The following M1AP variants were observed in gnomAD, a reference collection of about 807,000 sequenced individuals.
M1AP encodes meiosis 1 arrest protein.
A neutral mutation model predicts 51.2 loss-of-function variants in M1AP; 39 were observed. The observed-to-expected ratio is 0.76, with a 90% CI of 0.59 to 1.00. The LOEUF is 1.00. M1AP is among the 50% of genes least tolerant of loss of function. The probability of loss-of-function intolerance (pLI) is 0.00; values close to 1 mark genes in which losing one functional copy is unlikely to be tolerated. For synonymous variants in M1AP, 251 were observed against 249.2 expected (o/e 1.01, Z -0.07); for missense variants, 545 against 641.2 (o/e 0.85, Z 1.62).
intron 7 of M1AP, among the ~76,000 whole-genome samples, chr2:74,567,684 A>C (rs1458931511): frequency 6.6e-6 from 1 of 152,268 alleles, no homozygotes; most frequent in Non-Finnish European, 1.5e-5. Flanking sequence ...ATGTTTATTT[A>C]ACTTTGTTAA....
At position 74,614,950 on chromosome 2, in the gene M1AP, C is replaced by A; in HGVS notation, c.426+14G>T. The A allele has an allele frequency of 6.2e-7, 1 of 1,612,532 alleles. No homozygotes were observed. The highest frequency in any genetic ancestry group is 1.1e-5 in the South Asian group (1 of 91,020). On this transcript the variant is annotated intron_variant, in intron 3 of 10. Coordinates refer to ENST00000421985, the MANE Select transcript of M1AP (RefSeq NM_001321739.2). ...GGAACACAGCTTGGAGTCCTAAAGG[C>A]CAGCATCACTTACCTCCAGGGAGGT...
intron 2 of M1AP, among the ~76,000 whole-genome samples, chr2:74,635,267 G>T (rs1011257346): frequency 1.3e-5 from 2 of 152,030 alleles, no homozygotes; most frequent in African/African-American, 4.8e-5. Flanking sequence ...ATTTACGTAT[G>T]TAAAGGTATC....
chr2:74,637,554 G>A (rs1683055523), intron 2 of M1AP, among the ~76,000 whole-genome samples: 1 of 152,106 alleles, frequency 6.6e-6, no homozygotes, highest in Non-Finnish European at 1.5e-5. Context: ...AAATATTCTT[G>A]AGCTTTGTTC....
Position 74,558,705 on chromosome 2 carries a change from G to A in M1AP, c.*11C>T. On this transcript the variant is annotated 3_prime_UTR_variant, in exon 11 of 11. Coordinates refer to ENST00000421985, the MANE Select transcript of M1AP (RefSeq NM_001321739.2). ...GGTTAAGCTGGGCAGCTGGGCTCTG[G>A]TGCTGGTGACTTAGGGCCTTGAGGG... The A allele has an allele frequency of 1.2e-6, 2 of 1,611,658 alleles. No homozygotes were observed. Among genetic ancestry groups the A allele is most frequent in the African/African-American group, 1.3e-5 (1 of 74,962 alleles).
At chr2:74,611,041 CTTGA>C (rs1347325983) in intron 3 of M1AP, among the ~76,000 whole-genome samples, 2 of 152,142 alleles carry the variant, frequency 1.3e-5, no homozygotes, top group African/African-American at 4.8e-5. Flanking sequence ...GGTAATCCCT[CTTGA>C]TTATCTTTTT....
chr2:74,641,949 G>A (rs1165368868), intron 1 of M1AP, among the ~76,000 whole-genome samples: 1 of 151,576 alleles, frequency 6.6e-6, no homozygotes, highest in Admixed American at 6.6e-5. Flanking sequence ...GGGTTCAAGC[G>A]ATTCTCCTGC....
chr2:74,598,300 C>T (rs948908178), intron 4 of M1AP, among the ~76,000 whole-genome samples: 29 of 151,990 alleles, frequency 1.9e-4, no homozygotes, highest in Admixed American at 5.2e-4. Context: ...GAGCATGGCT[C>T]GAGCCTGGGA....
intron 3 of M1AP, among the ~76,000 whole-genome samples, chr2:74,612,196 T>C (rs943335173): frequency 1.3e-5 from 2 of 151,748 alleles, no homozygotes; most frequent in Non-Finnish European, 2.9e-5. Flanking sequence ...CGGCCACCAG[T>C]TCTTTTTTCA....
At chr2:74,629,802 T>C (rs1682601352) in intron 2 of M1AP, among the ~76,000 whole-genome samples, 1 of 152,066 alleles carries the variant, frequency 6.6e-6, no homozygotes, top group African/African-American at 2.4e-5. Flanking sequence ...ATAAGGTATA[T>C]ACGAAACCAG....
At chr2:74,613,243 T>C (rs1169720734) in intron 3 of M1AP, among the ~76,000 whole-genome samples, 4 of 152,252 alleles carry the variant, frequency 2.6e-5, no homozygotes, top group African/African-American at 9.6e-5. Context: ...CTTTAAATTC[T>C]GTGGTCTGAG....
chr2:74,573,759 C>T (rs1282854816), intron 7 of M1AP, among the ~76,000 whole-genome samples: 1 of 152,072 alleles, frequency 6.6e-6, no homozygotes, highest in Non-Finnish European at 1.5e-5. Flanking sequence ...ATCTTCATCC[C>T]TTTCCTGACT....
chr2:74,557,893 A>G lies in M1AP; in HGVS notation c.*823T>C, dbSNP rs530384409. 1 of 148,064 alleles carries G rather than the reference A, an allele frequency of 6.8e-6. No individual in the cohort carries two copies. Among genetic ancestry groups the G allele is most frequent in the Non-Finnish European group, 1.5e-5 (1 of 67,716 alleles). The allele number at this position is 148,064 out of a possible 1,614,324, so 9.2% of individuals were successfully genotyped here. A position where few individuals can be genotyped will look rare whatever the true frequency, so the allele number is the denominator to read the frequency against. ...ATCTGAAGCACAGGGTGTTTTTTTA[A>G]AAGTTTTTATTATTTATGTAGAGAT... is the stretch of plus-strand genomic sequence containing the variant. On this transcript the variant is annotated 3_prime_UTR_variant, in exon 11 of 11. Transcript: ENST00000421985.
intron 2 of M1AP, among the ~76,000 whole-genome samples, chr2:74,639,080 G>A (rs982982077): frequency 6.6e-6 from 1 of 152,164 alleles, no homozygotes; most frequent in Non-Finnish European, 1.5e-5. Context: ...AATAAACCAT[G>A]AGTTGTTATA....
At chr2:74,621,755 T>C (rs901321636) in intron 2 of M1AP, among the ~76,000 whole-genome samples, 2 of 151,768 alleles carry the variant, frequency 1.3e-5, no homozygotes, top group Non-Finnish European at 2.9e-5. Flanking sequence ...ATCGCGCTAC[T>C]GCACTCCAGC....
chr2:74,579,159 T>C (rs1371925704), intron 5 of M1AP, among the ~76,000 whole-genome samples: 1 of 152,240 alleles, frequency 6.6e-6, no homozygotes, highest in Non-Finnish European at 1.5e-5. Flanking sequence ...ATTCTGGCTC[T>C]GATCCTGGTG....
At chr2:74,622,327 C>T (rs548781245) in intron 2 of M1AP, among the ~76,000 whole-genome samples, 9 of 152,062 alleles carry the variant, frequency 5.9e-5, no homozygotes, top group African/African-American at 2.2e-4. Flanking sequence ...GCAACCCCGC[C>T]TCCCGAGTTC....
At chr2:74,638,637 G>A (rs772444310) in intron 2 of M1AP, among the ~76,000 whole-genome samples, 3 of 152,184 alleles carry the variant, frequency 2.0e-5, no homozygotes, top group Admixed American at 6.5e-5. Flanking sequence ...CATTCAAGCA[G>A]CCCTTTGGAG....
rs1251589782 is a variant in M1AP, at chr2:74,562,862, GC to G, written c.1075-440del. Among the ~76,000 whole-genome samples, 3 of 152,124 alleles carry G rather than the reference GC, an allele frequency of 2.0e-5. No homozygotes were observed. The East Asian group carries it at 5.8e-4, about 29-fold the overall frequency. ...GCCTAGCAGATCAAGGCTTCAGTGA[GC>G]CATGATTGTACCACTGCACTCCAGC... On this transcript the variant is annotated intron_variant, in intron 7 of 10. Coordinates refer to ENST00000421985, the MANE Select transcript of M1AP (RefSeq NM_001321739.2).
At chr2:74,573,536 A>G (rs1163078677) in intron 7 of M1AP, among the ~76,000 whole-genome samples, 1 of 151,776 alleles carries the variant, frequency 6.6e-6, no homozygotes, top group African/African-American at 2.4e-5. Flanking sequence ...TATTTTTAGT[A>G]GCTGTGGGAT....
Sources: allele counts gnomAD v4.1 joint callset (sites outside exome capture counted in the v4.1 genomes callset), GRCh38; gene constraint gnomAD v4.1.1; transcripts MANE v1.5; gene names NCBI Gene and HGNC (gene_info 2026-07-23, HGNC 2026-07-21).